Variants in AGBL1 observed in about 807,000 individuals in gnomAD.
The protein encoded by AGBL1 is cytosolic carboxypeptidase 4.
In AGBL1, 130 loss-of-function variants were observed where a neutral mutation model predicts 118.9. That is an observed-to-expected ratio of 1.09 (90% CI 0.95 to 1.26). The LOEUF (loss-of-function observed/expected upper bound fraction) is 1.26. Ranked by LOEUF, AGBL1 falls within the 50% of genes most tolerant of loss-of-function variation. The pLI is 0.00. For missense variants in AGBL1, 1,584 were observed against 1,298.1 expected, an observed-to-expected ratio of 1.22 and a Z score of -3.38; for synonymous variants, 555 against 478.9, an observed-to-expected ratio of 1.16 and a Z score of -2.08.
At chr15:86,201,074 C>T (rs2077900166) in intron 5 of AGBL1, among the ~76,000 whole-genome samples, 1 of 151,950 alleles carries the variant, frequency 6.6e-6, no homozygotes, top group Non-Finnish European at 1.5e-5. Context: ...TTCAATGATA[C>T]ACATGCATAA....
At chr15:86,236,947 G>GGGGC (rs1678157203) in intron 6 of AGBL1, among the ~76,000 whole-genome samples, 5 of 19,584 alleles carry the variant, frequency 2.6e-4, no homozygotes, top group East Asian at 1.9e-3. Flanking sequence ...GGGGGCGGGG[G>GGGGC]GGGGCGGGGG....
intron 19 of AGBL1, among the ~76,000 whole-genome samples, chr15:86,543,827 C>G (rs1312030798): frequency 6.6e-6 from 1 of 152,188 alleles, no homozygotes; most frequent in East Asian, 1.9e-4. Flanking sequence ...TCTTATTCAT[C>G]TCCTTTGAAA....
chr15:86,833,688 G>T (rs144848072), intron 22 of AGBL1, among the ~76,000 whole-genome samples: 327 of 152,250 alleles, frequency 2.1e-3, no homozygotes, highest in Non-Finnish European at 2.8e-3. Context: ...GCCTGCTAAA[G>T]CTCAAATAGA....
intron 23 of AGBL1, among the ~76,000 whole-genome samples, chr15:86,936,973 C>A (rs2080683987): frequency 6.6e-6 from 1 of 152,172 alleles, no homozygotes; most frequent in Non-Finnish European, 1.5e-5. Context: ...ACATACAACC[C>A]CATTAAAAAG....
At chr15:86,937,285 A>G (rs1281109977) in intron 23 of AGBL1, among the ~76,000 whole-genome samples, 1 of 152,238 alleles carries the variant, frequency 6.6e-6, no homozygotes, top group Non-Finnish European at 1.5e-5. Flanking sequence ...CATTAAACCC[A>G]GCAATCTCAT....
chr15:86,555,511 A>AC (rs1176487554), intron 21 of AGBL1, among the ~76,000 whole-genome samples: 3 of 152,198 alleles, frequency 2.0e-5, no homozygotes, highest in African/African-American at 7.2e-5. Context: ...CTACCGAACC[A>AC]CCCTTTTGAC....
intron 17 of AGBL1, among the ~76,000 whole-genome samples, chr15:86,298,193 A>T (rs1017501293): frequency 1.1e-4 from 16 of 144,706 alleles, no homozygotes; most frequent in Non-Finnish European, 2.1e-4. Flanking sequence ...GCTGGGGCAC[A>T]GTTTCAGCAG....
intron 6 of AGBL1, among the ~76,000 whole-genome samples, chr15:86,229,737 G>T (rs138963735): frequency 1.8e-4 from 28 of 152,256 alleles, no homozygotes; most frequent in African/African-American, 6.7e-4. Context: ...TTGTGACCCT[G>T]GAAGCGGCAC....
intron 23 of AGBL1, among the ~76,000 whole-genome samples, chr15:86,933,194 C>G (rs2080625607): frequency 6.6e-6 from 1 of 152,162 alleles, no homozygotes; most frequent in African/African-American, 2.4e-5. Context: ...CTGACTCCAT[C>G]CTGCTTGTAG....
intron 6 of AGBL1, among the ~76,000 whole-genome samples, chr15:86,232,708 A>G (rs1271083499): frequency 6.6e-6 from 1 of 152,146 alleles, no homozygotes; most frequent in Non-Finnish European, 1.5e-5. Context: ...ATCCTAGAAC[A>G]TCTTGTAGTT....
At chr15:86,357,651 C>T (rs903202198) in intron 17 of AGBL1, among the ~76,000 whole-genome samples, 1 of 152,046 alleles carries the variant, frequency 6.6e-6, no homozygotes, top group African/African-American at 2.4e-5. Flanking sequence ...TACTTCCCTC[C>T]TTTACCTTTC....
At chr15:86,763,216 T>A (rs1234616888) in intron 22 of AGBL1, among the ~76,000 whole-genome samples, 1 of 152,026 alleles carries the variant, frequency 6.6e-6, no homozygotes, top group African/African-American at 2.4e-5. Flanking sequence ...ACTGTAAGAT[T>A]TATGACTTAT....
At chr15:86,925,344 CT>C (rs1193961274) in intron 23 of AGBL1, among the ~76,000 whole-genome samples, 2 of 152,232 alleles carry the variant, frequency 1.3e-5, no homozygotes, top group East Asian at 3.9e-4. Flanking sequence ...ATAAATCATG[CT>C]GATACTGCTG....
At position 86,632,096 on chromosome 15, in the gene AGBL1, C is replaced by G. The variant is rs574315101; in HGVS notation, c.2995-42177C>G. Among the ~76,000 whole-genome samples the G allele has an allele frequency of 2.7e-5, 4 of 150,674 alleles. No homozygotes were observed. The East Asian group carries it at 7.9e-4, about 30-fold the overall frequency. On this transcript the variant is annotated intron_variant, in intron 21 of 22. Coordinates refer to ENST00000614907, the MANE Select transcript of AGBL1 (RefSeq NM_001386094.1). ...CTGCGCAAGCCTAGGGAGACCCTGT[C>G]TCCACAATTTTTTTTTTTAAAGTTA...
chr15:86,957,378 A>G (rs1263464824), intron 23 of AGBL1, among the ~76,000 whole-genome samples: 1 of 152,090 alleles, frequency 6.6e-6, no homozygotes, highest in East Asian at 1.9e-4. Context: ...AATATGTAAC[A>G]TTTGGGAAAA....
intron 18 of AGBL1, among the ~76,000 whole-genome samples, chr15:86,401,989 G>A (rs1257963225): frequency 1.3e-5 from 2 of 152,016 alleles, no homozygotes; most frequent in African/African-American, 4.8e-5. Flanking sequence ...TTTGAAGAAT[G>A]ATGATGGTAT....
intron 22 of AGBL1, among the ~76,000 whole-genome samples, chr15:86,733,577 A>AT (rs2077555982): frequency 1.3e-5 from 2 of 152,232 alleles, no homozygotes. Flanking sequence ...TATAAGCATT[A>AT]ACTACTATTA....
intron 17 of AGBL1, among the ~76,000 whole-genome samples, chr15:86,388,696 A>G (rs754810502): frequency 2.0e-5 from 3 of 152,202 alleles, no homozygotes; most frequent in Non-Finnish European, 2.9e-5. Context: ...TACAGGCAAA[A>G]TAATACATAA....
At chr15:86,535,324 G>T (rs2083410593) in intron 19 of AGBL1, among the ~76,000 whole-genome samples, 1 of 152,210 alleles carries the variant, frequency 6.6e-6, no homozygotes. Context: ...TAAAAGCCAA[G>T]AGGCTCATGG....
Sources: gnomAD v4.1 joint callset for allele counts (sites outside exome capture counted in the v4.1 genomes callset) on GRCh38, gnomAD v4.1.1 for gene constraint, MANE v1.5 for transcripts, NCBI Gene and HGNC (gene_info 2026-07-23, HGNC 2026-07-21) for gene names.